The following TAF12 variants were observed in gnomAD, a reference collection of about 807,000 sequenced individuals.
TAF12 encodes transcription initiation factor TFIID subunit 12.
TAF12 carries 3 observed loss-of-function variants against 20.8 expected under a neutral mutation model. The observed-to-expected ratio is 0.14, with a 90% CI of 0.07 to 0.37. The LOEUF is 0.37. TAF12 is among the 10% of genes least tolerant of loss of function. The pLI is 1.00. For synonymous variants in TAF12, 69 were observed against 70.2 expected, an observed-to-expected ratio of 0.98 and a Z score of 0.09; for missense variants, 131 against 197.9, an observed-to-expected ratio of 0.66 and a Z score of 2.03.
In TAF12 at chr1:28,640,332, T is replaced by G. The variant is rs1667990131; in HGVS notation, c.-85+2660A>C. On this transcript the variant is annotated intron_variant, in intron 1 of 5. Transcript: ENST00000373824. ...ATAGTCCTTGACATTTAGAGGAGCC[T>G]TAAGAAGGAGGAGATGCTTTCATTC... is the stretch of plus-strand genomic sequence containing the variant. Among the ~76,000 whole-genome samples the G allele has an allele frequency of 2.0e-5, 3 of 152,334 alleles. No individual in the cohort carries two copies. The South Asian group carries it at 6.2e-4, about 32-fold the overall frequency.
chr1:28,647,873 C>CA (rs35986604), upstream of TAF12, among the ~76,000 whole-genome samples: 20 of 147,864 alleles, frequency 1.4e-4, no homozygotes, highest in African/African-American at 2.7e-4. Context: ...GACTCCGTCT[C>CA]AAAAAAAAAA....
At chr1:28,618,813 C>T (rs575841708) in intron 2 of TAF12, among the ~76,000 whole-genome samples, 138 of 152,196 alleles carry the variant, frequency 9.1e-4, no homozygotes, top group Middle Eastern at 6.8e-3. Context: ...CTGTTTCTGA[C>T]TTAATAGGCT....
At chr1:28,624,771 AAATAAT>A (rs1051423780) in intron 1 of TAF12, among the ~76,000 whole-genome samples, 3 of 151,608 alleles carry the variant, frequency 2.0e-5, no homozygotes, top group African/African-American at 7.3e-5. Flanking sequence ...ATAAAAAAAT[AAATAAT>A]AATAATAAGA....
At chr1:28,630,968 C>G (rs908068878) in intron 1 of TAF12, among the ~76,000 whole-genome samples, 4 of 150,588 alleles carry the variant, frequency 2.7e-5, no homozygotes, top group African/African-American at 9.8e-5. Flanking sequence ...GTACTTGAAC[C>G]CGGGAGGCGG....
chr1:28,647,832 C>T (rs1668237005), upstream of TAF12, among the ~76,000 whole-genome samples: 1 of 151,738 alleles, frequency 6.6e-6, no homozygotes, highest in African/African-American at 2.4e-5. Context: ...CGATATCGCG[C>T]CACTGCACTG....
chr1:28,630,945 C>A (rs1173286422), intron 1 of TAF12, among the ~76,000 whole-genome samples: 3 of 148,680 alleles, frequency 2.0e-5, no homozygotes, highest in Admixed American at 6.8e-5. Flanking sequence ...ACTCGGGAGG[C>A]TGAGGCAGAG....
Position 28,622,051 on chromosome 1 carries a change from T to G in TAF12, c.31A>C (p.Asn11His). Residue 11 changes from asparagine to histidine, a missense_variant, in exon 2 of 6, where the codon AAC becomes CAC. Transcript: ENST00000373824. ...TTTATGGATGAGAAATTGGAGAGGT[T>G]GATTAGGGCTGAGGGGCCAAACTGG... Reference protein sequence around the residue: MNQFGPSALINLSNFSSIKPE... With the variant: MNQFGPSALIHLSNFSSIKPE... 6.2e-7 allele frequency: 1 copy of G among 1,613,772 alleles called. No individual in the cohort carries two copies. Among genetic ancestry groups the G allele is most frequent in the Non-Finnish European group, 8.5e-7 (1 of 1,179,984 alleles).
chr1:28,645,917 G>A (rs1021206187), upstream of TAF12, among the ~76,000 whole-genome samples: 2 of 151,684 alleles, frequency 1.3e-5, no homozygotes, highest in Non-Finnish European at 1.5e-5. Context: ...GAAGCGAGCC[G>A]AGATCGTGCC....
At position 28,603,090 on chromosome 1, in the gene TAF12, C is replaced by CTT. The variant is rs1666557833; in HGVS notation, c.*448_*449insAA. 1 of 154,726 alleles carries CTT rather than the reference C, an allele frequency of 6.5e-6. No homozygotes were observed. Among genetic ancestry groups the CTT allele is most frequent in the Admixed American group, 6.5e-5 (1 of 15,500 alleles). 9.6% of individuals were successfully genotyped at this position (154,726 alleles called of 1,614,324 possible). A position where few individuals can be genotyped will look rare whatever the true frequency, so the allele number is the denominator to read the frequency against. On this transcript the variant is annotated 3_prime_UTR_variant, in exon 6 of 6. Transcript: ENST00000373824. ...ACTCCCTCTGGGATTTCAAAGGTAC[C>CTT]CTGTCTTTCGATTAATAACTTCTTT...
chr1:28,618,723 A>G (rs568632843), intron 2 of TAF12, among the ~76,000 whole-genome samples: 1 of 151,934 alleles, frequency 6.6e-6, no homozygotes, highest in South Asian at 2.1e-4. Context: ...CCATCCCAGT[A>G]AAGGTAACCA....
chr1:28,616,020 T>A (rs1667030528), intron 3 of TAF12, among the ~76,000 whole-genome samples: 1 of 152,198 alleles, frequency 6.6e-6, no homozygotes, highest in African/African-American at 2.4e-5. Flanking sequence ...AAGAGCTAGT[T>A]GTTAAACATT....
chr1:28,625,977 GC>G (rs1327030472), intron 1 of TAF12, among the ~76,000 whole-genome samples: 2 of 150,638 alleles, frequency 1.3e-5, no homozygotes, highest in Non-Finnish European at 3.0e-5. Context: ...ACCACACTCA[GC>G]CCCGTCTCTT....
chr1:28,631,499 T>C (rs1667617911), intron 1 of TAF12, among the ~76,000 whole-genome samples: 1 of 151,542 alleles, frequency 6.6e-6, no homozygotes, highest in African/African-American at 2.4e-5. Context: ...TACTCCAGCC[T>C]GGGCAACAGA....
Position 28,639,007 on chromosome 1 carries a change from C to G in TAF12, c.-85+3985G>C, listed in dbSNP as rs1428743634. ...TTTCACCGTGGTCTCGATCTCCTGA[C>G]CTCGTGATCCGCCCACCTCGGCCTC... On this transcript the variant is annotated intron_variant, in intron 1 of 5. Transcript: ENST00000373824. Among the ~76,000 whole-genome samples the G allele has an allele frequency of 5.3e-5, 8 of 150,900 alleles. No individual in the cohort carries two copies. The East Asian group carries it at 1.6e-3, about 30-fold the overall frequency.
At chr1:28,619,213 G>T in intron 2 of TAF12, among the ~76,000 whole-genome samples, 1 of 151,774 alleles carries the variant, frequency 6.6e-6, no homozygotes. Context: ...CTACAAAATG[G>T]CTGGGTGCAG....
intron 1 of TAF12, among the ~76,000 whole-genome samples, chr1:28,626,895 G>C (rs1418734156): frequency 4.6e-5 from 7 of 152,032 alleles, no homozygotes; most frequent in Non-Finnish European, 7.4e-5. Flanking sequence ...TGGGCGACAA[G>C]GGCGAAACTC....
At chr1:28,637,802 T>C (rs1667889359) in intron 1 of TAF12, among the ~76,000 whole-genome samples, 2 of 152,188 alleles carry the variant, frequency 1.3e-5, no homozygotes, top group African/African-American at 4.8e-5. Flanking sequence ...TAAACATTGC[T>C]GATATAGTGC....
In TAF12 at chr1:28,636,891, T is replaced by G. The variant is rs4252973; in HGVS notation, c.-85+6101A>C. Among the ~76,000 whole-genome samples the G allele has an allele frequency of 3.7e-3, 557 of 152,232 alleles. 6 individuals are homozygous for G. Among genetic ancestry groups the G allele is most frequent in the African/African-American group, 0.013 (533 of 41,534 alleles). On this transcript the variant is annotated intron_variant, in intron 1 of 5. Coordinates refer to ENST00000373824, the MANE Select transcript of TAF12 (RefSeq NM_005644.4). ...TGGGGTCTGAGGTGACGGAATGGCT[T>G]GAGCCTAGGAGTGCGAGGCTGTAGT... is the stretch of plus-strand genomic sequence containing the variant.
chr1:28,623,674 T>C (rs551667395), intron 1 of TAF12, among the ~76,000 whole-genome samples: 32 of 152,306 alleles, frequency 2.1e-4, no homozygotes, highest in Non-Finnish European at 3.7e-4. Flanking sequence ...GACTAGTTCA[T>C]TCTGGCATTT....
Sources: gnomAD v4.1 joint callset for allele counts (sites outside exome capture counted in the v4.1 genomes callset) on GRCh38, gnomAD v4.1.1 for gene constraint, MANE v1.5 for transcripts, NCBI Gene and HGNC (gene_info 2026-07-23, HGNC 2026-07-21) for gene names.